Variants in ENPEP observed in about 807,000 individuals in gnomAD.
ENPEP encodes glutamyl aminopeptidase, also known as AP-A.
ENPEP carries 103 observed loss-of-function variants against 114.5 expected under a neutral mutation model. The ratio of observed to expected loss-of-function variants is 0.90; its 90% CI spans 0.77 to 1.06. The LOEUF (loss-of-function observed/expected upper bound fraction) is 1.06, where lower values mean the gene tolerates loss of function less well. Among genes scored for constraint, ENPEP ranks in the 50% least tolerant of loss-of-function variants. ENPEP has a pLI of 0.00. For synonymous variants in ENPEP, 420 were observed against 422.0 expected (o/e 1.00, Z 0.06); for missense variants, 1,196 against 1,161.3 (o/e 1.03, Z -0.43).
At position 110,564,200 on chromosome 4, in the gene ENPEP, G is replaced by A. The variant is rs1727760809; in HGVS notation, c.*2642G>A. 6.6e-6 allele frequency: 1 copy of A among 151,968 alleles called. No homozygotes were observed. Among genetic ancestry groups the A allele is most frequent in the Non-Finnish European group, 1.5e-5 (1 of 68,010 alleles). The allele number at this position is 151,968 out of a possible 1,614,324, so 9.4% of individuals were successfully genotyped here. A position where few individuals can be genotyped will look rare whatever the true frequency, so the allele number is the denominator to read the frequency against. On this transcript the variant is annotated 3_prime_UTR_variant, in exon 20 of 20. Transcript: ENST00000265162. ...ATACTGTTATTGTTCTTATTTTAGA[G>A]TGGATAAATTGAGATGGAGAAGTTA...
chr4:110,535,437 T>G (rs188573998), intron 11 of ENPEP, among the ~76,000 whole-genome samples: 1 of 152,352 alleles, frequency 6.6e-6, no homozygotes, highest in Admixed American at 6.5e-5. Flanking sequence ...CTTCATTTTT[T>G]CAAGCTAAGC....
intron 3 of ENPEP, among the ~76,000 whole-genome samples, chr4:110,493,670 C>T (rs1466862729): frequency 6.6e-6 from 1 of 152,142 alleles, no homozygotes; most frequent in Non-Finnish European, 1.5e-5. Flanking sequence ...ACAGTGAGTT[C>T]CTCCTCTTTG....
intron 10 of ENPEP, among the ~76,000 whole-genome samples, chr4:110,524,665 C>T (rs961978232): frequency 1.3e-5 from 2 of 152,168 alleles, no homozygotes; most frequent in Non-Finnish European, 2.9e-5. Context: ...TTTTTCTAGA[C>T]ATTTAAATAT....
At chr4:110,506,227 AG>A (rs1725365218) in intron 3 of ENPEP, 1 of 154,644 alleles carries the variant, frequency 6.5e-6, no homozygotes, top group African/African-American at 2.4e-5. Flanking sequence ...AGAAAGAGAA[AG>A]AGAAAGAGCG....
At chr4:110,491,731 T>C (rs1167154010) in intron 3 of ENPEP, among the ~76,000 whole-genome samples, 2 of 148,794 alleles carry the variant, frequency 1.3e-5, no homozygotes, top group African/African-American at 4.9e-5. Context: ...TTTTTTTTTT[T>C]TTTTTTTGAG....
At position 110,561,539 on chromosome 4, in the gene ENPEP, A is replaced by G. The variant is rs1727680755; in HGVS notation, c.2855A>G (p.Asn952Ser). The G allele has an allele frequency of 1.2e-6, 2 of 1,613,546 alleles. No homozygotes were observed. Among genetic ancestry groups the G allele is most frequent in the Non-Finnish European group, 1.7e-6 (2 of 1,179,800 alleles). ...AACACCATCAGAGAATGGTTTTTTAATTTACTTGAGAGTGGTTAATGTATT... is the reference window on the plus strand; with the variant it reads ...AACACCATCAGAGAATGGTTTTTTAGTTTACTTGAGAGTGGTTAATGTATT... ...HRNTIREWFF[N>S]LLESG The change falls in exon 20 of 20, where the codon AAT becomes AGT. Residue 952 changes from asparagine to serine, a missense_variant. Transcript: ENST00000265162.
chr4:110,544,281 A>G (rs987000144), intron 13 of ENPEP, among the ~76,000 whole-genome samples: 6 of 152,106 alleles, frequency 3.9e-5, no homozygotes, highest in African/African-American at 1.4e-4. Context: ...GATAATGGAC[A>G]TAAAACACTT....
At chr4:110,511,419 T>C (rs1725570003) in intron 6 of ENPEP, among the ~76,000 whole-genome samples, 2 of 152,162 alleles carry the variant, frequency 1.3e-5, no homozygotes. Context: ...CAACTAAAAA[T>C]GTCTCCACAT....
At chr4:110,495,186 A>G (rs1348882371) in intron 3 of ENPEP, among the ~76,000 whole-genome samples, 4 of 152,248 alleles carry the variant, frequency 2.6e-5, no homozygotes, top group Non-Finnish European at 5.9e-5. Context: ...CAAACCAAGA[A>G]CAATGTACAT....
intron 11 of ENPEP, among the ~76,000 whole-genome samples, chr4:110,538,486 C>T (rs1324616408): frequency 6.6e-6 from 1 of 152,174 alleles, no homozygotes; most frequent in East Asian, 1.9e-4. Flanking sequence ...CTGGATTAGG[C>T]TTTGGATTAA....
chr4:110,507,321 T>C (rs1479056261), intron 4 of ENPEP, among the ~76,000 whole-genome samples: 6 of 152,208 alleles, frequency 3.9e-5, no homozygotes, highest in South Asian at 4.1e-4. Context: ...AAAGTGGGGC[T>C]ACAACCAAAA....
intron 1 of ENPEP, among the ~76,000 whole-genome samples, chr4:110,486,592 A>G (rs1234594851): frequency 1.3e-5 from 2 of 151,930 alleles, no homozygotes; most frequent in East Asian, 3.9e-4. Context: ...CACTCTACCT[A>G]ATGTTGTTTA....
At position 110,554,028 on chromosome 4, in the gene ENPEP, G is replaced by T. The variant is rs1221215386; in HGVS notation, c.2642+573G>T. On this transcript the variant is annotated intron_variant, in intron 18 of 19. Transcript: ENST00000265162. The stretch of plus-strand genomic sequence containing the variant: ...TTAAAGAGATGCCTTTCCAAACTTC[G>T]TATTTCCTCAGGCCCGTGCAGAAGA... 2.0e-5 allele frequency among the ~76,000 whole-genome samples: 3 copies of T among 152,092 alleles called. No individual in the cohort carries two copies. In the East Asian group the frequency reaches 5.8e-4, roughly 29 times the overall value.
rs748104343 is a variant in ENPEP at position 110,506,702 on chromosome 4, T to G, written c.984T>G (p.Ser328Arg). 3 of 1,610,420 alleles carry G rather than the reference T, an allele frequency of 1.9e-6. No individual in the cohort carries two copies. Among genetic ancestry groups the G allele is most frequent in the Non-Finnish European group, 2.5e-6 (3 of 1,177,482 alleles). ...TAEYAANITK[S>R]VFDYFEEYFA... is the part of the protein sequence containing the mutation. ...AATATGCTGCAAACATAACTAAAAG[T>G]GTGTTTGATTATTTTGAAGAATACT... The change falls in exon 4 of 20, where the codon AGT becomes AGG. Residue 328 changes from serine to arginine, a missense_variant. By Grantham distance (110) the Ser-to-Arg change is moderately radical. Transcript: ENST00000265162.
intron 1 of ENPEP, among the ~76,000 whole-genome samples, chr4:110,479,324 G>A (rs1369164964): frequency 2.0e-5 from 3 of 152,060 alleles, no homozygotes; most frequent in African/African-American, 7.2e-5. Context: ...GAGTATTTAA[G>A]TTGCTCCTAT....
At chr4:110,554,402 C>T (rs886352402) in intron 18 of ENPEP, among the ~76,000 whole-genome samples, 2 of 151,996 alleles carry the variant, frequency 1.3e-5, no homozygotes, top group Non-Finnish European at 2.9e-5. Context: ...TGCTGAGATT[C>T]AGATTCTACC....
chr4:110,556,391 T>G (rs569750879), intron 18 of ENPEP, among the ~76,000 whole-genome samples: 1 of 152,284 alleles, frequency 6.6e-6, no homozygotes, highest in Non-Finnish European at 1.5e-5. Flanking sequence ...TTGCTTTTTT[T>G]CCTCATCATC....
In ENPEP at chr4:110,561,740, C is replaced by T. The variant is rs1727686879; in HGVS notation, c.*182C>T. ...TCCTCTTTGTTTATGAAGAAAGATA[C>T]TAATAGAGTACTTAATATACTCAGG... On this transcript the variant is annotated 3_prime_UTR_variant, in exon 20 of 20. Coordinates refer to ENST00000265162, the MANE Select transcript of ENPEP (RefSeq NM_001977.4). 1 of 564,844 alleles carries T rather than the reference C, an allele frequency of 1.8e-6. No individual in the cohort carries two copies. Among genetic ancestry groups the T allele is most frequent in the Non-Finnish European group, 3.0e-6 (1 of 327,926 alleles). 35.0% of individuals were successfully genotyped at this position (564,844 alleles called of 1,614,324 possible).
At chr4:110,493,254 A>T (rs1384008371) in intron 3 of ENPEP, among the ~76,000 whole-genome samples, 1 of 152,222 alleles carries the variant, frequency 6.6e-6, no homozygotes, top group Non-Finnish European at 1.5e-5. Flanking sequence ...ATAATGAAAA[A>T]ATACAGTTTT....
Sources: gnomAD v4.1 joint callset for allele counts (sites outside exome capture counted in the v4.1 genomes callset) on GRCh38, gnomAD v4.1.1 for gene constraint, MANE v1.5 for transcripts, NCBI Gene and HGNC (gene_info 2026-07-23, HGNC 2026-07-21) for gene names.